Variants in EYS observed in about 807,000 individuals in gnomAD.
EYS encodes EGF-like photoreceptor maintenance factor, also known as protein eyes shut homolog.
A neutral mutation model predicts 282.1 loss-of-function variants in EYS; 250 were observed. The observed-to-expected ratio is 0.89, with a 90% CI of 0.80 to 0.98. The LOEUF (loss-of-function observed/expected upper bound fraction) is 0.98, where lower values mean the gene tolerates loss of function less well. Ranked by LOEUF, EYS falls within the 50% of genes least tolerant of loss-of-function variation. The probability of loss-of-function intolerance (pLI) is 0.00; values close to 1 mark genes in which losing one functional copy is unlikely to be tolerated. For synonymous variants in EYS, 1,355 were observed against 1,282.9 expected (o/e 1.06, Z -1.20); for missense variants, 4,016 against 3,709.0 (o/e 1.08, Z -2.15).
intron 39 of EYS, among the ~76,000 whole-genome samples, chr6:63,778,478 A>C (rs940457023): frequency 6.6e-6 from 1 of 152,150 alleles, no homozygotes; most frequent in African/African-American, 2.4e-5. Flanking sequence ...AAGCTGTAGA[A>C]AATATAATAT....
intron 32 of EYS, among the ~76,000 whole-genome samples, chr6:64,078,178 T>G (rs1402356075): frequency 6.6e-6 from 1 of 152,026 alleles, no homozygotes; most frequent in African/African-American, 2.4e-5. Flanking sequence ...TGATATAAAA[T>G]ACAATGTTCA....
chr6:64,658,954 T>A (rs1768876715), intron 22 of EYS, among the ~76,000 whole-genome samples: 1 of 152,210 alleles, frequency 6.6e-6, no homozygotes. Flanking sequence ...AGCACCACAC[T>A]GCACTTATTC....
At chr6:64,082,037 G>A (rs1314051278) in intron 31 of EYS, 35 bp from the exon 32 acceptor site, 3 of 1,338,998 alleles carry the variant, frequency 2.2e-6, no homozygotes, top group Non-Finnish European at 3.1e-6. Flanking sequence ...TGTTCTGATA[G>A]CATTATATTG....
intron 15 of EYS, among the ~76,000 whole-genome samples, chr6:64,938,610 T>G (rs1243167158): frequency 6.6e-6 from 1 of 151,696 alleles, no homozygotes; most frequent in Non-Finnish European, 1.5e-5. Context: ...TATGTTTTTT[T>G]GCTTTCAGTG....
At chr6:65,620,383 G>T (rs1766426164) in intron 2 of EYS, among the ~76,000 whole-genome samples, 1 of 152,116 alleles carries the variant, frequency 6.6e-6, no homozygotes, top group Non-Finnish European at 1.5e-5. Context: ...TTGTATTTGT[G>T]TGGGATCGGT....
At chr6:65,221,635 A>G (rs1472857988) in intron 12 of EYS, among the ~76,000 whole-genome samples, 1 of 152,192 alleles carries the variant, frequency 6.6e-6, no homozygotes, top group East Asian at 1.9e-4. Context: ...TGGAAGGGAA[A>G]TGTGGAGTTG....
intron 35 of EYS, among the ~76,000 whole-genome samples, chr6:63,901,396 A>T (rs1773655481): frequency 6.6e-6 from 1 of 152,250 alleles, no homozygotes; most frequent in Non-Finnish European, 1.5e-5. Context: ...GGATAATATG[A>T]ACTATACAGA....
At chr6:65,364,043 A>AT (rs751604972) in intron 8 of EYS, among the ~76,000 whole-genome samples, 1 of 148,928 alleles carries the variant, frequency 6.7e-6, no homozygotes. Context: ...CTTCTTTGGT[A>AT]TTTTTTCAAA....
intron 28 of EYS, among the ~76,000 whole-genome samples, chr6:64,421,612 T>A (rs1774235193): frequency 6.6e-6 from 1 of 152,136 alleles, no homozygotes; most frequent in Non-Finnish European, 1.5e-5. Flanking sequence ...CATGAATCAT[T>A]TAAAGATAAT....
intron 35 of EYS, among the ~76,000 whole-genome samples, chr6:63,872,401 C>T (rs1189329033): frequency 2.0e-5 from 3 of 149,214 alleles, no homozygotes; most frequent in Non-Finnish European, 4.4e-5. Context: ...TGTGTGTCTT[C>T]TGATTTGTTC....
chr6:64,300,164 A>G (rs1037770726), intron 30 of EYS, among the ~76,000 whole-genome samples: 2 of 152,154 alleles, frequency 1.3e-5, no homozygotes, highest in Non-Finnish European at 2.9e-5. Flanking sequence ...TAATGCTTAT[A>G]AAAAAATAAG....
At chr6:65,432,249 A>C (rs909180484) in intron 5 of EYS, among the ~76,000 whole-genome samples, 5 of 152,178 alleles carry the variant, frequency 3.3e-5, no homozygotes, top group Non-Finnish European at 5.9e-5. Flanking sequence ...GAAACATAAA[A>C]TTATTGTGTC....
chr6:64,424,631 C>A (rs1265083344), intron 28 of EYS, among the ~76,000 whole-genome samples: 1 of 152,164 alleles, frequency 6.6e-6, no homozygotes, highest in Admixed American at 6.6e-5. Flanking sequence ...TTTCTCTCCT[C>A]TCCAACACCT....
chr6:64,466,521 T>A (rs1034887690), intron 26 of EYS, among the ~76,000 whole-genome samples: 1 of 152,118 alleles, frequency 6.6e-6, no homozygotes, highest in South Asian at 2.1e-4. Flanking sequence ...TACGACATGA[T>A]CTTACTTACA....
At chr6:65,015,939 G>A (rs1772033490) in intron 13 of EYS, among the ~76,000 whole-genome samples, 1 of 149,368 alleles carries the variant, frequency 6.7e-6, no homozygotes, top group Non-Finnish European at 1.5e-5. Flanking sequence ...CAGCTACTCA[G>A]GAGGCTGAGG....
At chr6:65,609,480 T>A (rs1765918194) in intron 2 of EYS, among the ~76,000 whole-genome samples, 1 of 152,092 alleles carries the variant, frequency 6.6e-6, no homozygotes, top group Admixed American at 6.6e-5. Flanking sequence ...GAGAAAAATA[T>A]CATCACAATT....
At chr6:63,885,338 A>AT (rs961097945) in intron 35 of EYS, among the ~76,000 whole-genome samples, 1 of 152,154 alleles carries the variant, frequency 6.6e-6, no homozygotes, top group African/African-American at 2.4e-5. Context: ...ATGAAAATCC[A>AT]TTTTTGGTGT....
At chr6:64,677,251 C>A (rs950263628) in intron 22 of EYS, among the ~76,000 whole-genome samples, 11 of 151,952 alleles carry the variant, frequency 7.2e-5, no homozygotes, top group Non-Finnish European at 8.8e-5. Flanking sequence ...TATTTTTTAA[C>A]CAGGATGCAA....
At chr6:64,104,827 T>C (rs1255814705) in intron 31 of EYS, among the ~76,000 whole-genome samples, 4 of 151,626 alleles carry the variant, frequency 2.6e-5, no homozygotes, top group Non-Finnish European at 5.9e-5. Context: ...TCCTGTTTAG[T>C]CTTAAAATTG....
Sources: gnomAD v4.1 joint callset for allele counts (sites outside exome capture counted in the v4.1 genomes callset) on GRCh38, gnomAD v4.1.1 for gene constraint, MANE v1.5 for transcripts, NCBI Gene and HGNC (gene_info 2026-07-23, HGNC 2026-07-21) for gene names.